Variants in CSF1R observed in about 807,000 individuals in gnomAD.
The protein encoded by CSF1R is macrophage colony-stimulating factor 1 receptor.
A neutral mutation model predicts 110.0 loss-of-function variants in CSF1R; 40 were observed. The ratio of observed to expected loss-of-function variants is 0.36; its 90% CI spans 0.28 to 0.47. CSF1R has a LOEUF of 0.47. CSF1R is among the 20% of genes least tolerant of loss of function. The pLI is 0.99. For missense variants in CSF1R, 1,052 were observed against 1,253.0 expected (o/e 0.84, Z 2.42); for synonymous variants, 523 against 503.4 (o/e 1.04, Z -0.52).
At chr5:150,054,721 T>C in intron 19 of CSF1R, 1 of 358,258 alleles carries the variant, frequency 2.8e-6, no homozygotes, top group South Asian at 5.6e-5. Flanking sequence ...GTGCAGTGGC[T>C]CATTCCTGTA....
intron 6 of CSF1R, among the ~76,000 whole-genome samples, chr5:150,072,081 C>T (rs986883211): frequency 3.3e-5 from 5 of 150,390 alleles, no homozygotes; most frequent in African/African-American, 4.9e-5. Context: ...ACTCTGAGGC[C>T]GCATCTACAC....
At chr5:150,067,943 C>T (rs2113803835) in intron 10 of CSF1R, among the ~76,000 whole-genome samples, 1 of 152,324 alleles carries the variant, frequency 6.6e-6, no homozygotes, top group East Asian at 1.9e-4. Flanking sequence ...CCTGCCTCAA[C>T]CTCCCAAGTA....
Position 150,073,315 on chromosome 5 carries a change from G to C in CSF1R, c.1068C>G (p.Thr356=). The C allele has an allele frequency of 6.2e-7, 1 of 1,613,830 alleles. No individual in the cohort carries two copies. The highest frequency in any genetic ancestry group is 8.5e-7 in the Non-Finnish European group (1 of 1,179,896). The change falls in exon 6 of 21, where the codon ACC becomes ACG. Residue 356 remains threonine (T), a synonymous_variant. Coordinates refer to ENST00000675795, the MANE Select transcript of CSF1R (RefSeq NM_001288705.3). ...ATAAGTGGTACCTGTATGTGTCCTTGGTGGTAGCATTAGCAAGCTTGGGCT... is the reference window on the plus strand; with the variant it reads ...ATAAGTGGTACCTGTATGTGTCCTTCGTGGTAGCATTAGCAAGCTTGGGCT... ...QPEPKLANAT[T]KDTYRHTFTL...
intron 1 of CSF1R, among the ~76,000 whole-genome samples, chr5:150,100,454 C>T (rs1264340266): frequency 6.6e-6 from 1 of 151,930 alleles, no homozygotes; most frequent in Admixed American, 6.6e-5. Context: ...CCCGCCACCA[C>T]GCCCAGCTAA....
chr5:150,091,606 A>G (rs1759042387), intron 1 of CSF1R, among the ~76,000 whole-genome samples: 1 of 152,168 alleles, frequency 6.6e-6, no homozygotes, highest in South Asian at 2.1e-4. Flanking sequence ...GGGATGTGGC[A>G]AGGGAGAATG....
upstream of CSF1R, among the ~76,000 whole-genome samples, chr5:150,087,843 C>T (rs1455165253): frequency 6.6e-6 from 1 of 152,016 alleles, no homozygotes; most frequent in African/African-American, 2.4e-5. Flanking sequence ...AAGCCATCCT[C>T]CTACCTCATC....
At chr5:150,101,587 C>T (rs2113863635) in intron 1 of CSF1R, among the ~76,000 whole-genome samples, 1 of 151,988 alleles carries the variant, frequency 6.6e-6, no homozygotes, top group Admixed American at 6.5e-5. Flanking sequence ...CTGCCACCAG[C>T]CGTCACGGGA....
intron 1 of CSF1R, among the ~76,000 whole-genome samples, chr5:150,101,224 C>A (rs1022288069): frequency 3.3e-5 from 5 of 152,186 alleles, no homozygotes; most frequent in Non-Finnish European, 5.9e-5. Context: ...TCCTTGCCTG[C>A]GGATGCTGCT....
intron 10 of CSF1R, among the ~76,000 whole-genome samples, 176 bp from the exon 11 acceptor site, chr5:150,062,025 T>C (rs1414448375): frequency 6.6e-6 from 1 of 152,174 alleles, no homozygotes; most frequent in African/African-American, 2.4e-5. Context: ...ACTGAGAGCA[T>C]GTTCCTGCTT....
At chr5:150,093,099 G>A (rs1759096950) in intron 1 of CSF1R, among the ~76,000 whole-genome samples, 1 of 152,048 alleles carries the variant, frequency 6.6e-6, no homozygotes, top group South Asian at 2.1e-4. Flanking sequence ...TGTTTTTTGA[G>A]ATGGAGTCTC....
At chr5:150,059,666 C>A in intron 14 of CSF1R, 34 bp downstream of exon 14, 1 of 1,608,150 alleles carries the variant, frequency 6.2e-7, no homozygotes, top group South Asian at 1.1e-5. Flanking sequence ...GCCTCCCAGA[C>A]CTGGCCTTTT....
rs1581274529 is a variant in CSF1R at position 150,053,462 on chromosome 5, A to C, written c.*607T>G. 4.2e-6 allele frequency: 1 copy of C among 235,634 alleles called. No homozygotes were observed. The highest frequency in any genetic ancestry group is 8.4e-6 in the Non-Finnish European group (1 of 119,270). The allele number at this position is 235,634 out of a possible 1,614,324, so 14.6% of individuals were successfully genotyped here. ...TGACGGGACTGGGCAGAACACCCCCAACTTTTAGCTGCCACTTGGCTCATT... is the reference window on the plus strand; with the variant it reads ...TGACGGGACTGGGCAGAACACCCCCCACTTTTAGCTGCCACTTGGCTCATT... On this transcript the variant is annotated 3_prime_UTR_variant, in exon 21 of 21. Transcript: ENST00000675795.
Position 150,053,318 on chromosome 5 carries a change from G to A in CSF1R, c.*751C>T, listed in dbSNP as rs995823626. ...ACTGCATTAATGCTGTTAGTTTAAT[G>A]TGGACAGAGACATCCCACGGCGTGA... is the stretch of plus-strand genomic sequence containing the variant. On this transcript the variant is annotated 3_prime_UTR_variant, in exon 21 of 21. Transcript: ENST00000675795. 20 of 233,248 alleles carry A rather than the reference G, an allele frequency of 8.6e-5. No individual in the cohort carries two copies. The Admixed American group carries it at 1.0e-3, about 12-fold the overall frequency. The allele number at this position is 233,248 out of a possible 1,614,324, so 14.4% of individuals were successfully genotyped here.
intron 1 of CSF1R, among the ~76,000 whole-genome samples, chr5:150,099,468 G>A (rs1317517744): frequency 6.6e-6 from 1 of 152,132 alleles, no homozygotes; most frequent in Non-Finnish European, 1.5e-5. Flanking sequence ...GCTCAAACTG[G>A]AAACAACTCA....
intron 1 of CSF1R, among the ~76,000 whole-genome samples, chr5:150,093,055 G>A (rs1318789335): frequency 6.6e-6 from 1 of 152,026 alleles, no homozygotes; most frequent in Non-Finnish European, 1.5e-5. Context: ...GTCTACTCTT[G>A]TCAGGTCCTC....
intron 10 of CSF1R, among the ~76,000 whole-genome samples, chr5:150,067,713 G>C (rs900483492): frequency 1.2e-4 from 18 of 152,190 alleles, no homozygotes; most frequent in African/African-American, 4.3e-4. Flanking sequence ...GGGACACCAC[G>C]CTTGTATATC....
intron 10 of CSF1R, among the ~76,000 whole-genome samples, chr5:150,063,950 C>T (rs532297139): frequency 4.0e-4 from 61 of 152,274 alleles, no homozygotes; most frequent in Non-Finnish European, 7.9e-4. Context: ...GGAGGCTGGC[C>T]TTTAGCTGCA....
At chr5:150,070,414 C>T (rs374869946) in intron 7 of CSF1R, 42 bp downstream of exon 7, 47 of 1,561,952 alleles carry the variant, frequency 3.0e-5, no homozygotes, top group Non-Finnish European at 3.7e-5. Flanking sequence ...CCAGGCAGTC[C>T]CAGGGCCTCC....
chr5:150,082,088 C>T (rs190140934), intron 1 of CSF1R, among the ~76,000 whole-genome samples: 119 of 152,320 alleles, frequency 7.8e-4, no homozygotes, highest in African/African-American at 2.7e-3. Flanking sequence ...GCCTCCTAGC[C>T]ACTCTCCTCT....
Sources: gnomAD v4.1 joint callset for allele counts (sites outside exome capture counted in the v4.1 genomes callset) on GRCh38, gnomAD v4.1.1 for gene constraint, MANE v1.5 for transcripts, NCBI Gene and HGNC (gene_info 2026-07-23, HGNC 2026-07-21) for gene names.